MYO6: variants seen among roughly 807,000 people sequenced by gnomAD.
MYO6 encodes unconventional myosin-VI.
A neutral mutation model predicts 178.7 loss-of-function variants in MYO6; 74 were observed. The ratio of observed to expected loss-of-function variants is 0.41; its 90% CI spans 0.34 to 0.50. MYO6 has a LOEUF of 0.50. Among genes scored for constraint, MYO6 ranks in the 20% least tolerant of loss-of-function variants. The probability of loss-of-function intolerance (pLI) is 0.09; values close to 1 mark genes in which losing one functional copy is unlikely to be tolerated. For synonymous variants in MYO6, 477 were observed against 504.6 expected (o/e 0.95, Z 0.73); for missense variants, 1,330 against 1,547.4 (o/e 0.86, Z 2.36).
chr6:75,775,858 T>C (rs1766333311), intron 1 of MYO6, among the ~76,000 whole-genome samples: 1 of 152,228 alleles, frequency 6.6e-6, no homozygotes, highest in Admixed American at 6.5e-5. Flanking sequence ...GTTCCTAATA[T>C]GAGTAATTAG....
intron 29 of MYO6, among the ~76,000 whole-genome samples, chr6:75,897,638 G>T (rs1779410498): frequency 6.6e-6 from 1 of 152,156 alleles, no homozygotes; most frequent in Non-Finnish European, 1.5e-5. Context: ...TGAGTAGAAT[G>T]AATGAGAAAA....
chr6:75,892,611 C>G lies in MYO6; in HGVS notation c.3028C>G (p.Arg1010Gly), dbSNP rs148245729. Residue 1010 changes from arginine (R) to glycine (G), a missense_variant, in exon 28 of 35, where the codon CGG (arginine) becomes GGG (glycine). Around this residue, in one of 3 missense-constraint regions of MYO6, gnomAD observed 601 missense variants for 626.1 expected, o/e 0.96. Transcript: ENST00000369977. ...QAVLEQERRD[R>G]ELALRIAQSE... is the part of the protein sequence containing the mutation. ...AGTTCTGGAGCAGGAGCGCAGGGAC[C>G]GGGAGCTGGCCCTGAGGATTGCCCA... is the stretch of plus-strand genomic sequence containing the variant. The G allele has an allele frequency of 6.2e-7, 1 of 1,613,372 alleles. No homozygotes were observed.
chr6:75,914,778 A>G, intron 34 of MYO6, 35 bp from the exon 35 acceptor site: 1 of 1,597,264 alleles, frequency 6.3e-7, no homozygotes, highest in South Asian at 1.1e-5. Context: ...TCCTGAAGAG[A>G]GAGATGGTAA....
chr6:75,797,552 G>T (rs72654768), intron 1 of MYO6, among the ~76,000 whole-genome samples: 8,529 of 149,684 alleles, frequency 0.057, 522 homozygotes, highest in African/African-American at 0.15. Context: ...ATTTTTTTTT[G>T]AGACTAAGTC....
At chr6:75,867,203 C>A in intron 18 of MYO6, 98 bp downstream of exon 18, 2 of 1,017,786 alleles carry the variant, frequency 2.0e-6, no homozygotes, top group African/African-American at 1.6e-5. Context: ...AGAAATCTCA[C>A]AGTGAAGTTC....
chr6:75,777,906 C>T (rs1766549297), intron 1 of MYO6, among the ~76,000 whole-genome samples: 2 of 152,238 alleles, frequency 1.3e-5, no homozygotes, highest in South Asian at 4.1e-4. Flanking sequence ...CAGTTTAATA[C>T]AGCATAGAAT....
chr6:75,902,171 T>C (rs1044365853), intron 30 of MYO6, among the ~76,000 whole-genome samples: 1 of 152,216 alleles, frequency 6.6e-6, no homozygotes, highest in Non-Finnish European at 1.5e-5. Flanking sequence ...TTCAAGGATA[T>C]TGGTCTAAAA....
At chr6:75,859,634 C>T (rs1473867337) in intron 14 of MYO6, among the ~76,000 whole-genome samples, 1 of 149,688 alleles carries the variant, frequency 6.7e-6, no homozygotes, top group Non-Finnish European at 1.5e-5. Flanking sequence ...AAACAACCTT[C>T]TACCCGCATC....
chr6:75,886,060 C>T lies in MYO6; in HGVS notation c.2473C>T (p.Arg825Ter). ...CTGCATTAAAATGCAAAAAACTATT[C>T]GAATGTGGCTTTGCAAGAGGAGACA... ...EACIKMQKTI[R>*]MWLCKRRHKP... The change falls in exon 24 of 35, where the codon CGA becomes TGA. Residue 825 changes from arginine to a stop codon, truncating the protein, a stop_gained. Coordinates refer to ENST00000369977, the MANE Select transcript of MYO6 (RefSeq NM_004999.4). LOFTEE classifies it high-confidence loss of function. 1 of 1,612,502 alleles carries T rather than the reference C, an allele frequency of 6.2e-7. No individual in the cohort carries two copies. The highest frequency in any genetic ancestry group is 1.3e-5 in the African/African-American group (1 of 74,956).
chr6:75,849,011 G>A (rs960748726), intron 11 of MYO6, among the ~76,000 whole-genome samples: 20 of 152,136 alleles, frequency 1.3e-4, no homozygotes, highest in Non-Finnish European at 2.5e-4. Flanking sequence ...ATTGAAAAGA[G>A]TATTTAAATA....
intron 1 of MYO6, among the ~76,000 whole-genome samples, chr6:75,754,632 T>TGGA (rs1777193591): frequency 6.6e-6 from 1 of 151,964 alleles, no homozygotes; most frequent in Non-Finnish European, 1.5e-5. Flanking sequence ...GAACATCTTT[T>TGGA]TCAACAGATA....
At position 75,830,520 on chromosome 6, in the gene MYO6, A is replaced by G. The variant is rs1189846552; in HGVS notation, c.366A>G (p.Thr122=). 1 of 1,612,310 alleles carries G rather than the reference A, an allele frequency of 6.2e-7. No homozygotes were observed. The highest frequency in any genetic ancestry group is 8.5e-7 in the Non-Finnish European group (1 of 1,178,540). The part of the protein sequence containing the change: ...IKSYQGKSLG[T]RPPHVFAIAD... ...CATATCAAGGAAAATCTCTTGGGAC[A>G]AGACCACCTCATGTCTTTGCAATTG... Residue 122 remains threonine (T), a synonymous_variant, in exon 5 of 35, where the codon ACA becomes ACG. Coordinates refer to ENST00000369977, the MANE Select transcript of MYO6 (RefSeq NM_004999.4).
At chr6:75,773,922 C>T (rs1006136967) in intron 1 of MYO6, among the ~76,000 whole-genome samples, 3 of 152,186 alleles carry the variant, frequency 2.0e-5, no homozygotes, top group Non-Finnish European at 4.4e-5. Context: ...ATTTCTATTA[C>T]ATAGAGATAA....
chr6:75,812,920 T>C (rs1770837839), intron 1 of MYO6, among the ~76,000 whole-genome samples: 1 of 152,202 alleles, frequency 6.6e-6, no homozygotes, highest in African/African-American at 2.4e-5. Flanking sequence ...GGGAGTGCAG[T>C]TATCTCTTCA....
At chr6:75,883,453 A>C (rs1439798153) in intron 23 of MYO6, among the ~76,000 whole-genome samples, 1 of 152,106 alleles carries the variant, frequency 6.6e-6, no homozygotes. Flanking sequence ...CATTTTCTTC[A>C]TGAGATTGCT....
At position 75,761,592 on chromosome 6, in the gene MYO6, AACACACACAC is replaced by A. The variant is rs3057486; in HGVS notation, c.-48+12195_-48+12204del. 9.1e-5 allele frequency among the ~76,000 whole-genome samples: 13 copies of A among 143,042 alleles called. No individual in the cohort carries two copies. The South Asian group carries it at 1.4e-3, about 15-fold the overall frequency. The allele number at this position is 143,042 out of a possible 152,430, so 93.8% of individuals were successfully genotyped here. A position where few individuals can be genotyped will look rare whatever the true frequency, so the allele number is the denominator to read the frequency against. ...AGTATGTTAGAAAATGGGCTGTTAG[AACACACACAC>A]ACACACACACACACACACACACACA... On this transcript the variant is annotated intron_variant, in intron 1 of 34. Coordinates refer to ENST00000369977, the MANE Select transcript of MYO6 (RefSeq NM_004999.4).
chr6:75,771,655 G>A (rs1765905874), intron 1 of MYO6, among the ~76,000 whole-genome samples: 1 of 152,108 alleles, frequency 6.6e-6, no homozygotes, highest in Non-Finnish European at 1.5e-5. Flanking sequence ...TTGACTTTCT[G>A]AATAATTATT....
chr6:75,788,472 CTG>C (rs1355448421), intron 1 of MYO6, among the ~76,000 whole-genome samples: 1 of 152,208 alleles, frequency 6.6e-6, no homozygotes, highest in Non-Finnish European at 1.5e-5. Context: ...TTTATTCCCA[CTG>C]TGTCCCCCAC....
rs1256237554 is a variant in MYO6 at position 75,886,077 on chromosome 6, G to A, written c.2490G>A (p.Lys830=). ...AAACTATTCGAATGTGGCTTTGCAA[G>A]AGGAGACACAAACCTCGGTAAGATG... ...MQKTIRMWLC[K]RRHKPRIDGL... The change falls in exon 24 of 35, where the codon AAG becomes AAA. Residue 830 remains lysine, a synonymous_variant. Coordinates refer to ENST00000369977, the MANE Select transcript of MYO6 (RefSeq NM_004999.4). 1 of 1,610,338 alleles carries A rather than the reference G, an allele frequency of 6.2e-7. No individual in the cohort carries two copies. Among genetic ancestry groups the A allele is most frequent in the African/African-American group, 1.3e-5 (1 of 74,836 alleles).
Sources: gnomAD v4.1 joint callset for allele counts (sites outside exome capture counted in the v4.1 genomes callset) on GRCh38, gnomAD v4.1.1 for gene constraint, gnomAD v4.1.1 regional missense constraint, MANE v1.5 for transcripts, NCBI Gene and HGNC (gene_info 2026-07-23, HGNC 2026-07-21) for gene names.